PHACTR1: variants seen among roughly 807,000 people sequenced by gnomAD.
The protein encoded by PHACTR1 is phosphatase and actin regulator 1.
A neutral mutation model predicts 69.2 loss-of-function variants in PHACTR1; 16 were observed. The ratio of observed to expected loss-of-function variants is 0.23; its 90% CI spans 0.16 to 0.35. PHACTR1 has a LOEUF of 0.35. Ranked by LOEUF, PHACTR1 falls within the 10% of genes least tolerant of loss-of-function variation. The pLI, the probability that PHACTR1 is intolerant of heterozygous loss-of-function variation, is 1.00. For missense variants in PHACTR1, 510 were observed against 734.7 expected (o/e 0.69, Z 3.54); for synonymous variants, 312 against 284.5 (o/e 1.10, Z -0.97).
intron 4 of PHACTR1, among the ~76,000 whole-genome samples, chr6:12,886,150 A>G (rs984292192): frequency 2.6e-5 from 4 of 152,144 alleles, no homozygotes; most frequent in Non-Finnish European, 5.9e-5. Context: ...AGGAAGCTTC[A>G]TAACTGACTC....
intron 5 of PHACTR1, among the ~76,000 whole-genome samples, chr6:13,149,104 C>T (rs961069979): frequency 4.6e-5 from 7 of 152,052 alleles, no homozygotes; most frequent in South Asian, 2.1e-4. Flanking sequence ...TGAAAGAGCA[C>T]GGCCCCTGCT....
intron 4 of PHACTR1, among the ~76,000 whole-genome samples, chr6:12,785,690 G>A (rs1372897307): frequency 2.0e-5 from 3 of 152,152 alleles, no homozygotes; most frequent in African/African-American, 4.8e-5. Context: ...AAGCAGGCCC[G>A]ATCTCCCAGG....
intron 6 of PHACTR1, among the ~76,000 whole-genome samples, chr6:13,170,300 A>G (rs1417983978): frequency 6.6e-6 from 1 of 152,320 alleles, no homozygotes; most frequent in East Asian, 1.9e-4. Flanking sequence ...TATTGCAAGT[A>G]CAGTCACCTG....
chr6:13,081,681 G>T (rs1473218379), intron 5 of PHACTR1, among the ~76,000 whole-genome samples: 2 of 152,068 alleles, frequency 1.3e-5, no homozygotes, highest in African/African-American at 2.4e-5. Context: ...TAATTAATTA[G>T]CCAGGTGTGC....
intron 5 of PHACTR1, among the ~76,000 whole-genome samples, chr6:13,110,697 G>A (rs1816901015): frequency 6.6e-6 from 1 of 152,210 alleles, no homozygotes; most frequent in South Asian, 2.1e-4. Flanking sequence ...TCTCCAGACA[G>A]AAAACTGGGG....
intron 3 of PHACTR1, among the ~76,000 whole-genome samples, chr6:12,728,198 A>T (rs1763043757): frequency 6.6e-6 from 1 of 152,142 alleles, no homozygotes; most frequent in African/African-American, 2.4e-5. Flanking sequence ...GGACACCTGT[A>T]GTCCCAGCTA....
At chr6:13,015,544 G>T (rs1268504614) in intron 4 of PHACTR1, among the ~76,000 whole-genome samples, 1 of 152,194 alleles carries the variant, frequency 6.6e-6, no homozygotes, top group Admixed American at 6.5e-5. Context: ...TGAGATGCAG[G>T]CTAAAATGGT....
At chr6:13,177,453 G>A (rs1429829643) in intron 6 of PHACTR1, among the ~76,000 whole-genome samples, 10 of 145,592 alleles carry the variant, frequency 6.9e-5, no homozygotes, top group South Asian at 6.6e-4. Flanking sequence ...GTGTGTGTGT[G>A]TGTATATATA....
At position 13,179,012 on chromosome 6, in the gene PHACTR1, G is replaced by A. The variant is rs891528087; in HGVS notation, c.497-3507G>A. Among the ~76,000 whole-genome samples, 1 of 152,134 alleles carries A rather than the reference G, an allele frequency of 6.6e-6. No individual in the cohort carries two copies. Among genetic ancestry groups the A allele is most frequent in the Non-Finnish European group, 1.5e-5 (1 of 68,022 alleles). ...GCACTTTGGGAGGCCGAGGTGGGTG[G>A]ATCACTTGAGTCAAGGAGTTCCACA... On this transcript the variant is annotated intron_variant, in intron 6 of 14. Transcript: ENST00000332995. This position sits in a 1 kb window ranked among gnomAD's most constrained non-coding sequence, Gnocchi z 4.2.
At chr6:13,256,927 TTCCACATA>T (rs1775265885) in intron 10 of PHACTR1, among the ~76,000 whole-genome samples, 1 of 152,226 alleles carries the variant, frequency 6.6e-6, no homozygotes, top group South Asian at 2.1e-4. Context: ...CCAAAGTCAC[TTCCACATA>T]TCCAGGTATC....
intron 4 of PHACTR1, among the ~76,000 whole-genome samples, chr6:12,921,498 A>AG (rs1787655779): frequency 3.2e-5 from 4 of 123,284 alleles, no homozygotes; most frequent in African/African-American, 1.4e-4. Context: ...GAAGGAAGGA[A>AG]GGAAAGAAGG....
At chr6:13,252,371 G>T (rs556001520) in intron 10 of PHACTR1, among the ~76,000 whole-genome samples, 1 of 149,500 alleles carries the variant, frequency 6.7e-6, no homozygotes, top group African/African-American at 2.4e-5. Context: ...AAAGAAAAAA[G>T]TCTAAAAAAG....
intron 5 of PHACTR1, among the ~76,000 whole-genome samples, chr6:13,125,023 C>T (rs565090786): frequency 8.5e-5 from 13 of 152,186 alleles, no homozygotes; most frequent in African/African-American, 3.1e-4. Context: ...ACTCCTGAAG[C>T]ACCAGTAAAA....
chr6:12,946,835 T>C (rs1198219196), intron 4 of PHACTR1, among the ~76,000 whole-genome samples: 1 of 127,624 alleles, frequency 7.8e-6, no homozygotes. Flanking sequence ...TTTTTTGAGA[T>C]GGAGTCTTGC....
At chr6:13,056,344 G>A (rs1035011202) in intron 5 of PHACTR1, among the ~76,000 whole-genome samples, 1 of 152,158 alleles carries the variant, frequency 6.6e-6, no homozygotes, top group African/African-American at 2.4e-5. Context: ...AGACTTCAGT[G>A]AGCTGTGATC....
At chr6:12,846,934 A>G (rs1166521639) in intron 4 of PHACTR1, among the ~76,000 whole-genome samples, 3 of 151,894 alleles carry the variant, frequency 2.0e-5, no homozygotes, top group Non-Finnish European at 4.4e-5. Context: ...CTTCCTGAGT[A>G]GCTAGGACCA....
At chr6:13,215,832 A>C (rs530458966) in intron 8 of PHACTR1, among the ~76,000 whole-genome samples, 10 of 152,354 alleles carry the variant, frequency 6.6e-5, no homozygotes, top group Non-Finnish European at 1.3e-4. Context: ...GTCAATGTAC[A>C]TCTGTGTTAA....
At chr6:13,094,015 A>G (rs1310293029) in intron 5 of PHACTR1, among the ~76,000 whole-genome samples, 1 of 151,954 alleles carries the variant, frequency 6.6e-6, no homozygotes, top group Non-Finnish European at 1.5e-5. Context: ...GGGGCCTCAG[A>G]TGCGTGCCAC....
intron 5 of PHACTR1, among the ~76,000 whole-genome samples, chr6:13,098,274 A>G (rs1372055386): frequency 6.6e-6 from 1 of 152,140 alleles, no homozygotes; most frequent in Admixed American, 6.6e-5. Flanking sequence ...TATTTACCCA[A>G]TTGAACAGTC....
Sources: allele counts gnomAD v4.1 joint callset (sites outside exome capture counted in the v4.1 genomes callset), GRCh38; gene constraint gnomAD v4.1.1; non-coding constraint Gnocchi (gnomAD v3.1); transcripts MANE v1.5; gene names NCBI Gene and HGNC (gene_info 2026-07-23, HGNC 2026-07-21).